ZNF536: variants seen among roughly 807,000 people sequenced by gnomAD.
The protein encoded by ZNF536 is zinc finger protein 536.
A neutral mutation model predicts 84.5 loss-of-function variants in ZNF536; 13 were observed. The ratio of observed to expected loss-of-function variants is 0.15; its 90% CI spans 0.10 to 0.24. ZNF536 has a LOEUF of 0.24. ZNF536 is among the 10% of genes least tolerant of loss of function. ZNF536 has a pLI of 1.00. For synonymous variants in ZNF536, 811 were observed against 742.5 expected, an observed-to-expected ratio of 1.09 and a Z score of -1.50; for missense variants, 1,536 against 1,747.5, an observed-to-expected ratio of 0.88 and a Z score of 2.16.
At chr19:30,352,787 T>C (rs2047975104) in intron 3 of ZNF536, among the ~76,000 whole-genome samples, 1 of 152,158 alleles carries the variant, frequency 6.6e-6, no homozygotes. Flanking sequence ...TGTTATTTTC[T>C]CCTCTGTGGC....
At chr19:30,415,647 G>A (rs1202108759) in intron 1 of ZNF536, among the ~76,000 whole-genome samples, 1 of 151,994 alleles carries the variant, frequency 6.6e-6, no homozygotes, top group African/African-American at 2.4e-5. Flanking sequence ...GTCTTGCTCT[G>A]TAGCCCGGGC....
At chr19:30,244,367 A>T (rs2024132581) in intron 1 of ZNF536, among the ~76,000 whole-genome samples, 2 of 152,144 alleles carry the variant, frequency 1.3e-5, no homozygotes, top group African/African-American at 2.4e-5. Context: ...GTGCAAAAAT[A>T]TATGGGTATC....
intron 1 of ZNF536, among the ~76,000 whole-genome samples, chr19:30,659,550 A>C (rs911623209): frequency 6.7e-6 from 1 of 149,948 alleles, no homozygotes; most frequent in Non-Finnish European, 1.5e-5. Flanking sequence ...AAGGACTCAC[A>C]GTTCCACATG....
chr19:30,394,670 C>G (rs568603552), intron 1 of ZNF536, among the ~76,000 whole-genome samples: 1 of 152,298 alleles, frequency 6.6e-6, no homozygotes, highest in South Asian at 2.1e-4. Flanking sequence ...GTAAATAGTA[C>G]AGTCTGGAAA....
intron 1 of ZNF536, among the ~76,000 whole-genome samples, chr19:30,442,239 G>A (rs928368315): frequency 6.6e-6 from 1 of 152,242 alleles, no homozygotes; most frequent in Non-Finnish European, 1.5e-5. Flanking sequence ...GCTCCAATGT[G>A]GAAGGGGCTG....
chr19:30,504,615 A>C (rs1290189806), intron 2 of ZNF536, among the ~76,000 whole-genome samples: 117 of 41,734 alleles, frequency 2.8e-3, no homozygotes, highest in South Asian at 5.6e-3. Flanking sequence ...CCTCTCTCCC[A>C]CCCTTCCTCC....
intron 2 of ZNF536, among the ~76,000 whole-genome samples, chr19:30,343,203 A>G (rs1252488433): frequency 6.6e-6 from 1 of 152,186 alleles, no homozygotes; most frequent in Non-Finnish European, 1.5e-5. Context: ...TGTTTCTGGA[A>G]AAAGGGCTTG....
At chr19:30,416,367 C>A (rs1252143094) in intron 1 of ZNF536, among the ~76,000 whole-genome samples, 1 of 146,066 alleles carries the variant, frequency 6.8e-6, no homozygotes, top group Non-Finnish European at 1.5e-5. Context: ...TTGTAGTGAG[C>A]TATTTTGTCA....
chr19:30,450,075 A>ATTTTT lies in ZNF536; in HGVS notation c.2170+4356_2170+4360dup, dbSNP rs34039352. On this transcript the variant is annotated intron_variant, in intron 2 of 4. Coordinates refer to ENST00000355537, the MANE Select transcript of ZNF536 (RefSeq NM_014717.3). ...TTTGAGTTTGAGGATTAAGATCTTC[A>ATTTTT]TTTTTTTTTTTTTTTTTGCTTGTGC... 2.5e-3 allele frequency among the ~76,000 whole-genome samples: 334 copies of ATTTTT among 131,838 alleles called. 4 individuals are homozygous for ATTTTT. The highest frequency in any genetic ancestry group is 8.8e-3 in the African/African-American group (312 of 35,330). 86.5% of individuals were successfully genotyped at this position (131,838 alleles called of 152,430 possible).
At chr19:30,265,428 G>A (rs1234446878) in intron 1 of ZNF536, among the ~76,000 whole-genome samples, 1 of 152,156 alleles carries the variant, frequency 6.6e-6, no homozygotes, top group East Asian at 1.9e-4. Context: ...CCCTTCATCA[G>A]AGCATGTGTC....
At chr19:30,633,481 G>A (rs2048961027) in intron 1 of ZNF536, among the ~76,000 whole-genome samples, 1 of 152,038 alleles carries the variant, frequency 6.6e-6, no homozygotes, top group African/African-American at 2.4e-5. Context: ...AGCTATATTT[G>A]CCATGTAATG....
chr19:30,235,708 TA>T (rs1240913710), intron 1 of ZNF536, among the ~76,000 whole-genome samples: 2 of 152,266 alleles, frequency 1.3e-5, no homozygotes, highest in African/African-American at 4.8e-5. Context: ...GATTAAAATC[TA>T]TTTAAATCAA....
chr19:30,505,827 G>A (rs146924378), intron 2 of ZNF536, among the ~76,000 whole-genome samples: 2,247 of 151,844 alleles, frequency 0.015, 44 homozygotes, highest in African/African-American at 0.051. Context: ...CAACGCACCC[G>A]GCTAATTTTT....
At chr19:30,471,929 T>G (rs2053652201) in intron 2 of ZNF536, among the ~76,000 whole-genome samples, 1 of 152,194 alleles carries the variant, frequency 6.6e-6, no homozygotes, top group South Asian at 2.1e-4. Flanking sequence ...CTGGAACACC[T>G]TAGAATAGCT....
intron 2 of ZNF536, among the ~76,000 whole-genome samples, chr19:30,323,314 C>T (rs1313022586): frequency 1.3e-5 from 2 of 152,190 alleles, no homozygotes; most frequent in African/African-American, 4.8e-5. Context: ...CTGTATCCCC[C>T]ACATTGACTA....
At chr19:30,576,018 G>A (rs975424380) in intron 1 of ZNF536, among the ~76,000 whole-genome samples, 5 of 152,196 alleles carry the variant, frequency 3.3e-5, no homozygotes, top group African/African-American at 7.2e-5. Context: ...AGAAGGGCTC[G>A]GCTCATGGTA....
intron 1 of ZNF536, among the ~76,000 whole-genome samples, chr19:30,642,737 T>A: frequency 6.6e-6 from 1 of 152,134 alleles, no homozygotes; most frequent in East Asian, 1.9e-4. Context: ...GTTGTCCAGA[T>A]GGGTTTCAGG....
At chr19:30,381,877 C>T (rs1238911896) in intron 1 of ZNF536, among the ~76,000 whole-genome samples, 1 of 152,100 alleles carries the variant, frequency 6.6e-6, no homozygotes, top group Non-Finnish European at 1.5e-5. Flanking sequence ...TGTCCCCATC[C>T]TAATATCCTT....
chr19:30,417,495 A>G (rs1342433151), intron 1 of ZNF536, among the ~76,000 whole-genome samples: 2 of 152,152 alleles, frequency 1.3e-5, no homozygotes, highest in South Asian at 2.1e-4. Flanking sequence ...TCCACTGCAA[A>G]TGTTATTTAA....
Sources: allele counts gnomAD v4.1 joint callset (sites outside exome capture counted in the v4.1 genomes callset), GRCh38; gene constraint gnomAD v4.1.1; transcripts MANE v1.5; gene names NCBI Gene and HGNC (gene_info 2026-07-23, HGNC 2026-07-21).